The following NAV1 variants were observed in gnomAD, a reference collection of about 807,000 sequenced individuals.
NAV1 encodes the protein pore membrane and/or filament interacting like protein 3.
A neutral mutation model predicts 175.2 loss-of-function variants in NAV1; 18 were observed. That is an observed-to-expected ratio of 0.10 (90% CI 0.07 to 0.15). NAV1 has a LOEUF of 0.15. NAV1 is among the 10% of genes least tolerant of loss of function. The pLI, the probability that NAV1 is intolerant of heterozygous loss-of-function variation, is 1.00. For synonymous variants in NAV1, 897 were observed against 978.7 expected (o/e 0.92, Z 1.56); for missense variants, 1,731 against 2,436.6 (o/e 0.71, Z 6.10).
intron 3 of NAV1, among the ~76,000 whole-genome samples, chr1:201,758,583 A>G (rs2102625334): frequency 6.6e-6 from 1 of 152,318 alleles, no homozygotes; most frequent in Middle Eastern, 3.4e-3. Context: ...ACTGAGGCGC[A>G]AGGTAGAAGT....
In NAV1 at chr1:201,789,797, G is replaced by A; in HGVS notation, c.3219+5G>A. ...GCCTCCTCCACCTACTCCTCAGTAA[G>A]AGCATTAACTTCTCTTCCCCTCTCA... is the stretch of plus-strand genomic sequence containing the variant. On this transcript the variant is annotated splice_donor_5th_base_variant and intron_variant, in intron 11 of 29. Transcript: ENST00000367296. 1 of 1,613,556 alleles carries A rather than the reference G, an allele frequency of 6.2e-7. No individual in the cohort carries two copies. Among genetic ancestry groups the A allele is most frequent in the Non-Finnish European group, 8.5e-7 (1 of 1,179,470 alleles).
chr1:201,808,944 CTTGCT>C lies in NAV1; in HGVS notation c.4207+77_4207+81del. The stretch of plus-strand genomic sequence containing the variant: ...CTTATTTCACTGTTACACCATTCCA[CTTGCT>C]TTGGTCAGGGCGGTAACAATGCCGA... On this transcript the variant is annotated intron_variant, in intron 20 of 29. Coordinates refer to ENST00000367296, the Ensembl canonical transcript of NAV1. The surrounding 1 kb of genome is among the most constrained non-coding windows in gnomAD (Gnocchi z 5.5). 6.5e-7 allele frequency: 1 copy of C among 1,538,696 alleles called. No individual in the cohort carries two copies. Among genetic ancestry groups the C allele is most frequent in the Non-Finnish European group, 8.8e-7 (1 of 1,135,404 alleles).
At chr1:201,783,598 T>G in exon 7 of NAV1, 2 of 1,614,166 alleles carry the variant, frequency 1.2e-6, no homozygotes, top group Non-Finnish European at 1.7e-6. Flanking sequence ...CCATCCTCAA[T>G]ATTAACTCAG....
intron 3 of NAV1, among the ~76,000 whole-genome samples, chr1:201,738,125 C>G (rs1006740954): frequency 2.0e-5 from 3 of 151,914 alleles, no homozygotes; most frequent in Non-Finnish European, 4.4e-5. Flanking sequence ...CTGATTCCCC[C>G]TCAGAGCTGG....
chr1:201,778,196 G>A (rs1460714790), intron 3 of NAV1, among the ~76,000 whole-genome samples: 1 of 152,180 alleles, frequency 6.6e-6, no homozygotes, highest in Non-Finnish European at 1.5e-5. Context: ...CGCTCTCCTA[G>A]AAGATAAATC....
chr1:201,697,206 G>A (rs1053151241), intron 1 of NAV1, among the ~76,000 whole-genome samples: 1 of 152,182 alleles, frequency 6.6e-6, no homozygotes, highest in African/African-American at 2.4e-5. Context: ...TGGAAATGGG[G>A]GGGCATGTTG....
chr1:201,809,761 T>A (rs1340903409), intron 22 of NAV1, among the ~76,000 whole-genome samples, 185 bp from the exon 27 acceptor site: 2 of 152,150 alleles, frequency 1.3e-5, no homozygotes, highest in East Asian at 3.9e-4. Flanking sequence ...TCACAGGATA[T>A]TAAACCGTCC....
upstream of NAV1, among the ~76,000 whole-genome samples, chr1:201,620,945 G>A (rs1668151233): frequency 6.6e-6 from 1 of 152,058 alleles, no homozygotes; most frequent in African/African-American, 2.4e-5. Flanking sequence ...CTTGTTCACA[G>A]GGTCTCACTC....
At chr1:201,680,986 T>C (rs553451044) in intron 1 of NAV1, among the ~76,000 whole-genome samples, 1 of 152,280 alleles carries the variant, frequency 6.6e-6, no homozygotes, top group Admixed American at 6.5e-5. Flanking sequence ...AAATATTACA[T>C]TGTCTTTCGT....
At chr1:201,668,239 C>T (rs1430616672) in intron 1 of NAV1, among the ~76,000 whole-genome samples, 1 of 152,138 alleles carries the variant, frequency 6.6e-6, no homozygotes, top group Non-Finnish European at 1.5e-5. Context: ...GGCTCCCATC[C>T]CTCCGCCTCC....
intron 3 of NAV1, among the ~76,000 whole-genome samples, chr1:201,753,528 A>C (rs1674263687): frequency 6.6e-6 from 1 of 152,176 alleles, no homozygotes; most frequent in South Asian, 2.1e-4. Flanking sequence ...GATTGGGGGT[A>C]ATATTTTACC....
At position 201,794,018 on chromosome 1, in the gene NAV1, C is replaced by A. The variant is rs1478506466; in HGVS notation, c.3405+143C>A. The A allele has an allele frequency of 1.4e-4, 101 of 739,472 alleles. 1 individual carries two copies. In the South Asian group the frequency reaches 1.5e-3, roughly 11 times the overall value. 45.8% of individuals were successfully genotyped at this position (739,472 alleles called of 1,614,324 possible). On this transcript the variant is annotated intron_variant, in intron 14 of 29. Transcript: ENST00000367296. Reference sequence around the variant, plus strand: ...TGTCACCCTGGATTCTCAATCTGCCCCCCAATACAGTGTGAGCATATTCCT... The same window carrying A: ...TGTCACCCTGGATTCTCAATCTGCCACCCAATACAGTGTGAGCATATTCCT...
chr1:201,756,826 TTCTTTCTTTCTTTCTTTCTTTC>T lies in NAV1; in HGVS notation c.1227-23593_1227-23572del, dbSNP rs1461698371. ...TTTCTTTCCTTCTTTCTTTCTTTCT[TTCTTTCTTTCTTTCTTTCTTTC>T]TTTCTTTCTTTCTTTCTTTCTTTCT... On this transcript the variant is annotated intron_variant, in intron 3 of 29. Coordinates refer to ENST00000367296, the Ensembl canonical transcript of NAV1. Among the ~76,000 whole-genome samples the T allele has an allele frequency of 5.4e-4, 43 of 79,062 alleles. 1 individual carries two copies. Among genetic ancestry groups the T allele is most frequent in the African/African-American group, 1.3e-3 (27 of 20,658 alleles). The allele number at this position is 79,062 out of a possible 152,430, so 51.9% of individuals were successfully genotyped here. A position where few individuals can be genotyped will look rare whatever the true frequency, so the allele number is the denominator to read the frequency against.
intron 1 of NAV1, among the ~76,000 whole-genome samples, chr1:201,578,696 G>C: frequency 6.6e-6 from 1 of 152,200 alleles, no homozygotes; most frequent in Non-Finnish European, 1.5e-5. Flanking sequence ...GTGAACTCTA[G>C]GCTCCCCACT....
At chr1:201,547,105 G>A (rs1157618649) in intron 1 of NAV1, among the ~76,000 whole-genome samples, 1 of 151,124 alleles carries the variant, frequency 6.6e-6, no homozygotes, top group Non-Finnish European at 1.5e-5. Context: ...TCCAGCCTCA[G>A]CCTCCCGAGT....
At chr1:201,798,922 G>A (rs892166757) in intron 15 of NAV1, among the ~76,000 whole-genome samples, 1 of 151,604 alleles carries the variant, frequency 6.6e-6, no homozygotes, top group Non-Finnish European at 1.5e-5. Flanking sequence ...AGGCTGTCTC[G>A]AACTGCTGGC....
chr1:201,680,683 G>A (rs918069205), intron 1 of NAV1, among the ~76,000 whole-genome samples: 2 of 151,978 alleles, frequency 1.3e-5, no homozygotes, highest in African/African-American at 4.8e-5. Context: ...ATTTCAACAG[G>A]AGATTTGGAG....
At chr1:201,818,538 A>AAG (rs1458194293) in intron 29 of NAV1, among the ~76,000 whole-genome samples, 1 of 152,064 alleles carries the variant, frequency 6.6e-6, no homozygotes, top group Non-Finnish European at 1.5e-5. Flanking sequence ...CAAAAAAAAA[A>AAG]AAAAAAGATA....
At chr1:201,549,101 TTCTTTCTTTCTTTCTTTC>T (rs1665759167) in intron 1 of NAV1, among the ~76,000 whole-genome samples, 1 of 147,736 alleles carries the variant, frequency 6.8e-6, no homozygotes, top group South Asian at 2.2e-4. Flanking sequence ...CTTTCTTTCT[TTCTTTCTTTCTTTCTTTC>T]TTTCTTTCTT....
Sources: allele counts gnomAD v4.1 joint callset (sites outside exome capture counted in the v4.1 genomes callset), GRCh38; gene constraint gnomAD v4.1.1; non-coding constraint Gnocchi (gnomAD v3.1); transcripts MANE v1.5; gene names NCBI Gene and HGNC (gene_info 2026-07-23, HGNC 2026-07-21).